The following SLC24A2 variants were observed in gnomAD, a reference collection of about 807,000 sequenced individuals.
SLC24A2 encodes the protein sodium/potassium/calcium exchanger 2.
In SLC24A2, 36 loss-of-function variants were observed where a neutral mutation model predicts 62.0. The ratio of observed to expected loss-of-function variants is 0.58; its 90% CI spans 0.44 to 0.77. SLC24A2 has a LOEUF of 0.77. SLC24A2 is among the 30% of genes least tolerant of loss of function. SLC24A2 has a pLI of 0.00. For synonymous variants in SLC24A2, 358 were observed against 294.0 expected (o/e 1.22, Z -2.23); for missense variants, 846 against 817.9 (o/e 1.03, Z -0.42).
At chr9:20,025,764 A>G in the SLC24A2 span, among the ~76,000 whole-genome samples, 8 of 152,182 alleles carry the variant, frequency 5.3e-5, no homozygotes, top group Admixed American at 2.0e-4. Context: ...GGTATGGAAA[A>G]GTGGAAATGA....
intron 7 of SLC24A2, among the ~76,000 whole-genome samples, chr9:19,560,714 T>TTATC (rs1756331369): frequency 6.6e-6 from 1 of 152,318 alleles, no homozygotes; most frequent in African/African-American, 2.4e-5. Flanking sequence ...ATAAGGATGT[T>TTATC]TATCTTTTTC....
At chr9:20,049,076 G>A in the SLC24A2 span, among the ~76,000 whole-genome samples, 2 of 152,268 alleles carry the variant, frequency 1.3e-5, no homozygotes, top group African/African-American at 4.8e-5. Context: ...TGACTTTAGA[G>A]GACAAGTATC....
intron 2 of SLC24A2, among the ~76,000 whole-genome samples, chr9:19,629,642 T>C (rs1017760646): frequency 1.9e-4 from 29 of 152,092 alleles, no homozygotes; most frequent in African/African-American, 6.8e-4. Context: ...TATTAAGGAG[T>C]TGATAGCTCA....
chr9:20,057,687 T>C, the SLC24A2 span, among the ~76,000 whole-genome samples: 1 of 152,238 alleles, frequency 6.6e-6, no homozygotes. Flanking sequence ...ATTATTACTA[T>C]TCAAGATGCA....
the SLC24A2 span, among the ~76,000 whole-genome samples, chr9:20,270,345 C>G: frequency 6.6e-6 from 1 of 152,124 alleles, no homozygotes; most frequent in Non-Finnish European, 1.5e-5. Flanking sequence ...ATATTTTTTA[C>G]TGTAGAATTG....
intron 2 of SLC24A2, among the ~76,000 whole-genome samples, chr9:19,733,100 C>T (rs1219774974): frequency 2.7e-5 from 4 of 146,826 alleles, no homozygotes; most frequent in African/African-American, 1.0e-4. Flanking sequence ...TTTTTTTAAA[C>T]ACGCTGGGCA....
chr9:19,581,739 C>G (rs766604314), intron 5 of SLC24A2, among the ~76,000 whole-genome samples: 1 of 152,218 alleles, frequency 6.6e-6, no homozygotes, highest in Middle Eastern at 3.2e-3. Context: ...ATTTCAGGCA[C>G]AGATTCCAAA....
At chr9:19,686,597 G>A (rs1046649807) in intron 2 of SLC24A2, among the ~76,000 whole-genome samples, 1 of 152,118 alleles carries the variant, frequency 6.6e-6, no homozygotes, top group Non-Finnish European at 1.5e-5. Context: ...ATGATAGTGA[G>A]TTCTCACAAG....
At chr9:19,565,678 C>G (rs1444415545) in intron 7 of SLC24A2, among the ~76,000 whole-genome samples, 2 of 152,132 alleles carry the variant, frequency 1.3e-5, no homozygotes, top group African/African-American at 2.4e-5. Context: ...GCCAAAAGAA[C>G]AAAGCTGGAG....
intron 8 of SLC24A2, among the ~76,000 whole-genome samples, chr9:19,542,135 C>G (rs1305732399): frequency 6.6e-6 from 1 of 152,186 alleles, no homozygotes; most frequent in Non-Finnish European, 1.5e-5. Flanking sequence ...AACCCGGTAC[C>G]TCAGATGGAA....
intron 2 of SLC24A2, among the ~76,000 whole-genome samples, chr9:19,771,738 G>T (rs555516097): frequency 3.3e-5 from 5 of 152,130 alleles, no homozygotes; most frequent in African/African-American, 1.2e-4. Context: ...CTTTGCCCTC[G>T]GAATGTGCAC....
chr9:19,767,241 G>C (rs1231948650), intron 2 of SLC24A2, among the ~76,000 whole-genome samples: 4 of 152,208 alleles, frequency 2.6e-5, no homozygotes, highest in Admixed American at 6.5e-5. Context: ...CCATGGGTGT[G>C]GGATCTGCTT....
the SLC24A2 span, among the ~76,000 whole-genome samples, chr9:20,248,776 C>T: frequency 6.6e-6 from 1 of 152,248 alleles, no homozygotes; most frequent in African/African-American, 2.4e-5. Flanking sequence ...AACTATCCAA[C>T]TGCAAATCCT....
the SLC24A2 span, among the ~76,000 whole-genome samples, chr9:19,840,351 A>T: frequency 6.6e-6 from 1 of 152,068 alleles, no homozygotes; most frequent in African/African-American, 2.4e-5. Context: ...ATAATGAGAA[A>T]TAACAGGATT....
the SLC24A2 span, among the ~76,000 whole-genome samples, chr9:19,987,855 C>T: frequency 2.0e-5 from 3 of 152,278 alleles, no homozygotes; most frequent in South Asian, 2.1e-4. Context: ...ACATTTCCTT[C>T]GCTGTAGGAG....
At chr9:20,185,664 C>CA in the SLC24A2 span, among the ~76,000 whole-genome samples, 18,113 of 90,346 alleles carry the variant, frequency 0.2, 1,332 homozygotes, top group Non-Finnish European at 0.21. Context: ...GACTCCATCT[C>CA]AAAAAAAAAA....
the SLC24A2 span, among the ~76,000 whole-genome samples, chr9:20,080,423 T>C: frequency 1.3e-5 from 2 of 152,258 alleles, no homozygotes; most frequent in South Asian, 2.1e-4. Context: ...TGGCTAGCCA[T>C]ATGTAGAAAG....
At chr9:19,726,591 T>C (rs756607628) in intron 2 of SLC24A2, among the ~76,000 whole-genome samples, 4 of 152,188 alleles carry the variant, frequency 2.6e-5, no homozygotes, top group Non-Finnish European at 4.4e-5. Flanking sequence ...GAGTATAAAA[T>C]GTGATTTTGC....
the SLC24A2 span, among the ~76,000 whole-genome samples, chr9:20,230,626 G>T: frequency 6.6e-6 from 1 of 152,098 alleles, no homozygotes; most frequent in African/African-American, 2.4e-5. Context: ...GTAGATTCTG[G>T]ATATTAGCCC....
Sources: allele counts gnomAD v4.1 joint callset (sites outside exome capture counted in the v4.1 genomes callset), GRCh38; gene constraint gnomAD v4.1.1; transcripts MANE v1.5; gene names NCBI Gene and HGNC (gene_info 2026-07-23, HGNC 2026-07-21).